Variants in AMACR observed in about 807,000 individuals in gnomAD.
AMACR encodes alpha-methylacyl-CoA racemase, also known as 2-methylacyl-CoA racemase.
A neutral mutation model predicts 22.2 loss-of-function variants in AMACR; 18 were observed. The observed-to-expected ratio is 0.81, with a 90% CI of 0.56 to 1.20. The LOEUF is 1.20. Among genes scored for constraint, AMACR ranks in the 50% most tolerant of loss-of-function variants. The pLI is 0.00. For synonymous variants in AMACR, 213 were observed against 191.3 expected (o/e 1.11, Z -0.94); for missense variants, 499 against 490.6 (o/e 1.02, Z -0.16).
Position 34,004,609 on chromosome 5 carries a change from G to C in AMACR, c.517C>G (p.Arg173Gly). Reference protein sequence around the residue: ...GIIMALFDRTRTGKGQVIDAN... With the variant: ...GIIMALFDRTGTGKGQVIDAN... ...TCAATGACCTGACCCTTGCCAGTGCGTGTGCGGTCAAAAAGAGCCATTATA... is the reference window on the plus strand; with the variant it reads ...TCAATGACCTGACCCTTGCCAGTGCCTGTGCGGTCAAAAAGAGCCATTATA... The change falls in exon 3 of 5, where the codon CGC becomes GGC. Residue 173 changes from arginine (R) to glycine (G), a missense_variant. By Grantham distance (125) the Arg-to-Gly change is moderately radical. Coordinates refer to ENST00000335606, the MANE Select transcript of AMACR (RefSeq NM_014324.6). The C allele has an allele frequency of 6.2e-7, 1 of 1,614,058 alleles. No individual in the cohort carries two copies. Among genetic ancestry groups the C allele is most frequent in the South Asian group, 1.1e-5 (1 of 91,074 alleles).
At position 33,988,835 on chromosome 5, in the gene AMACR, T is replaced by C; in HGVS notation, c.*258A>G. On this transcript the variant is annotated 3_prime_UTR_variant, in exon 5 of 5. Transcript: ENST00000335606. ...AGTCAAGAATCTTAATATCAACAAA[T>C]ATATCAAGCAAACTGGAAGGCAGAA... The C allele has an allele frequency of 7.5e-7, 1 of 1,326,370 alleles. No individual in the cohort carries two copies. Among genetic ancestry groups the C allele is most frequent in the Non-Finnish European group, 9.6e-7 (1 of 1,038,972 alleles). 82.2% of individuals were successfully genotyped at this position (1,326,370 alleles called of 1,614,324 possible). A position where few individuals can be genotyped will look rare whatever the true frequency, so the allele number is the denominator to read the frequency against.
chr5:33,997,668 C>A lies in AMACR; in HGVS notation c.739+973G>T, dbSNP rs1753685728. Reference sequence around the variant, plus strand: ...ATTTGGAGCAGTGACAAAAGGCAAGCTTTTTAATTTCTGGACAGAGAGGTA... The same window carrying A: ...ATTTGGAGCAGTGACAAAAGGCAAGATTTTTAATTTCTGGACAGAGAGGTA... On this transcript the variant is annotated intron_variant, in intron 4 of 4. Transcript: ENST00000335606. The A allele has an allele frequency of 2.2e-5, 15 of 675,944 alleles. No homozygotes were observed. The South Asian group carries it at 2.5e-4, about 11-fold the overall frequency. The allele number at this position is 675,944 out of a possible 1,614,324, so 41.9% of individuals were successfully genotyped here.
rs772921347 is a variant in AMACR at position 33,989,384 on chromosome 5, GA to G, written c.857del (p.Ile286ThrfsTer9). The G allele has an allele frequency of 8.1e-6, 13 of 1,614,086 alleles. No individual in the cohort carries two copies. In the Admixed American group the frequency reaches 1.0e-4, roughly 12 times the overall value. On this transcript the variant is annotated frameshift_variant, in exon 5 of 5. Coordinates refer to ENST00000335606, the MANE Select transcript of AMACR (RefSeq NM_014324.6). LOFTEE classifies it low-confidence loss of function (END_TRUNC). ...TCACACAGGCATCTGTGCCGTCAAA[GA>G]TTTGACACCACTCTGCCTTCGTCTT... ...AEKTKAEWCQIFDGTDACVTP... is the reference protein window; with the variant it reads ...AEKTKAEWCQXFDGTDACVTP...
intron 4 of AMACR, chr5:33,997,762 T>C (rs919085573): frequency 3.8e-6 from 2 of 522,034 alleles, no homozygotes; most frequent in Admixed American, 7.4e-5. Flanking sequence ...ATAGGTGAAG[T>C]TAATATGTTT....
chr5:33,998,630 A>G lies in AMACR; in HGVS notation c.739+11T>C, dbSNP rs112753010. Reference sequence around the variant, plus strand: ...AAGGGGAACTGGGGGAGACGCGTGAAGTTCACTTACCTTTGATCAGCAGCT... The same window carrying G: ...AAGGGGAACTGGGGGAGACGCGTGAGGTTCACTTACCTTTGATCAGCAGCT... On this transcript the variant is annotated intron_variant, in intron 4 of 4. Coordinates refer to ENST00000335606, the MANE Select transcript of AMACR (RefSeq NM_014324.6). 6.3e-7 allele frequency: 1 copy of G among 1,595,622 alleles called. No homozygotes were observed. The highest frequency in any genetic ancestry group is 8.6e-7 in the Non-Finnish European group (1 of 1,169,226).
Position 33,988,799 on chromosome 5 carries a change from T to G in AMACR, c.*294A>C. ...ATCATTCCTTTTTCACTAGAACCCA[T>G]TCAAAATATAAGTCAAGAATCTTAA... is the stretch of plus-strand genomic sequence containing the variant. On this transcript the variant is annotated 3_prime_UTR_variant, in exon 5 of 5. Transcript: ENST00000335606. 1 of 1,260,956 alleles carries G rather than the reference T, an allele frequency of 7.9e-7. No individual in the cohort carries two copies. The highest frequency in any genetic ancestry group is 1.0e-6 in the Non-Finnish European group (1 of 999,256). The allele number at this position is 1,260,956 out of a possible 1,614,324, so 78.1% of individuals were successfully genotyped here.
In AMACR at chr5:34,008,021, G is replaced by A. The variant is rs748324238; in HGVS notation, c.-2C>T. On this transcript the variant is annotated 5_prime_UTR_variant, in exon 1 of 5. Coordinates refer to ENST00000335606, the MANE Select transcript of AMACR (RefSeq NM_014324.6). ...GACCGAGATGCCCTGCAGTGCCATG[G>A]CGCTTCCCAGTGCCCCGCTGAAGGA... The A allele has an allele frequency of 1.9e-6, 3 of 1,610,004 alleles. No homozygotes were observed. The highest frequency in any genetic ancestry group is 1.1e-5 in the South Asian group (1 of 91,068).
chr5:33,987,695 T>C lies in AMACR; in HGVS notation c.*1398A>G, dbSNP rs1753336250. ...AAAATGAGGGCAGCAGTGTCCAATCTCATTCCAGGTGAGAAGTTGCACAGT... is the reference window on the plus strand; with the variant it reads ...AAAATGAGGGCAGCAGTGTCCAATCCCATTCCAGGTGAGAAGTTGCACAGT... On this transcript the variant is annotated 3_prime_UTR_variant, in exon 5 of 5. Transcript: ENST00000335606. The C allele has an allele frequency of 6.6e-6, 1 of 152,214 alleles. No homozygotes were observed. The highest frequency in any genetic ancestry group is 1.5e-5 in the Non-Finnish European group (1 of 68,044). 9.4% of individuals were successfully genotyped at this position (152,214 alleles called of 1,614,324 possible). A position where few individuals can be genotyped will look rare whatever the true frequency, so the allele number is the denominator to read the frequency against.
intron 4 of AMACR, among the ~76,000 whole-genome samples, chr5:33,992,895 T>C (rs934619698): frequency 2.0e-5 from 3 of 152,202 alleles, no homozygotes; most frequent in Admixed American, 1.3e-4. Context: ...ATTTCATTTT[T>C]GAAAATTGTG....
intron 4 of AMACR, among the ~76,000 whole-genome samples, chr5:33,995,038 C>T (rs1753596062): frequency 6.6e-6 from 1 of 152,162 alleles, no homozygotes; most frequent in African/African-American, 2.4e-5. Context: ...TGAAAAATTC[C>T]AGAAATAAAC....
In AMACR at chr5:34,008,020, G is replaced by A. The variant is rs1754055392; in HGVS notation, c.-1C>T. On this transcript the variant is annotated 5_prime_UTR_variant, in exon 1 of 5. Transcript: ENST00000335606. Reference sequence around the variant, plus strand: ...CGACCGAGATGCCCTGCAGTGCCATGGCGCTTCCCAGTGCCCCGCTGAAGG... The same window carrying A: ...CGACCGAGATGCCCTGCAGTGCCATAGCGCTTCCCAGTGCCCCGCTGAAGG... The A allele has an allele frequency of 6.2e-7, 1 of 1,610,102 alleles. No individual in the cohort carries two copies. Among genetic ancestry groups the A allele is most frequent in the South Asian group, 1.1e-5 (1 of 91,070 alleles).
At chr5:34,001,956 T>G (rs1320210494) in intron 3 of AMACR, among the ~76,000 whole-genome samples, 1 of 152,190 alleles carries the variant, frequency 6.6e-6, no homozygotes, top group African/African-American at 2.4e-5. Context: ...GAAGAAAGAT[T>G]ACAACATTTT....
intron 1 of AMACR, among the ~76,000 whole-genome samples, chr5:34,006,443 T>A (rs1401342572): frequency 6.6e-6 from 1 of 152,226 alleles, no homozygotes; most frequent in Non-Finnish European, 1.5e-5. Flanking sequence ...GTATAGTATT[T>A]ATAGCACAAA....
chr5:33,999,293 ATAAGAG>A (rs1753739867), intron 3 of AMACR, among the ~76,000 whole-genome samples: 1 of 152,232 alleles, frequency 6.6e-6, no homozygotes, highest in Non-Finnish European at 1.5e-5. Flanking sequence ...GGTAAATCAC[ATAAGAG>A]TAAAATTTGG....
At chr5:33,994,922 A>G (rs1338310693) in intron 4 of AMACR, among the ~76,000 whole-genome samples, 1 of 152,182 alleles carries the variant, frequency 6.6e-6, no homozygotes, top group African/African-American at 2.4e-5. Flanking sequence ...TGAAGTGTGG[A>G]TATGAAAAAT....
At chr5:33,990,683 C>T (rs1753446424) in intron 4 of AMACR, among the ~76,000 whole-genome samples, 2 of 152,240 alleles carry the variant, frequency 1.3e-5, no homozygotes, top group South Asian at 4.1e-4. Flanking sequence ...GAATAATCCT[C>T]ACTTATAGAA....
At chr5:33,989,590 T>A in intron 4 of AMACR, 88 bp from the exon 5 acceptor site, 2 of 1,105,518 alleles carry the variant, frequency 1.8e-6, no homozygotes, top group Admixed American at 4.2e-5. Flanking sequence ...CACTGTACTA[T>A]GCAAAATAAG....
rs997712468 is a variant in AMACR, at chr5:33,988,243, A to G, written c.*850T>C. The G allele has an allele frequency of 5.1e-5, 70 of 1,384,048 alleles. No individual in the cohort carries two copies. In the African/African-American group the frequency reaches 9.1e-4, roughly 18 times the overall value. 85.7% of individuals were successfully genotyped at this position (1,384,048 alleles called of 1,614,324 possible). A position where few individuals can be genotyped will look rare whatever the true frequency, so the allele number is the denominator to read the frequency against. ...CTTCTTTGTCAAAGACAGGTATAAG[A>G]AAGGCTTGTAACTTAACTCAGTCCA... On this transcript the variant is annotated 3_prime_UTR_variant, in exon 5 of 5. Transcript: ENST00000335606.
At position 33,987,493 on chromosome 5, in the gene AMACR, A is replaced by G. The variant is rs1343809029; in HGVS notation, c.*1600T>C. 1 of 152,274 alleles carries G rather than the reference A, an allele frequency of 6.6e-6. No homozygotes were observed. Among genetic ancestry groups the G allele is most frequent in the Non-Finnish European group, 1.5e-5 (1 of 68,048 alleles). The allele number at this position is 152,274 out of a possible 1,614,324, so 9.4% of individuals were successfully genotyped here. A position where few individuals can be genotyped will look rare whatever the true frequency, so the allele number is the denominator to read the frequency against. ...AGAATATTTAAAAATTTGAACACACAAACACAATGAAACTCAACATCTGTC... is the reference window on the plus strand; with the variant it reads ...AGAATATTTAAAAATTTGAACACACGAACACAATGAAACTCAACATCTGTC... On this transcript the variant is annotated 3_prime_UTR_variant, in exon 5 of 5. Transcript: ENST00000335606.
Sources: gnomAD v4.1 joint callset for allele counts (sites outside exome capture counted in the v4.1 genomes callset) on GRCh38, gnomAD v4.1.1 for gene constraint, MANE v1.5 for transcripts, NCBI Gene and HGNC (gene_info 2026-07-23, HGNC 2026-07-21) for gene names.